VWA8: variants seen among roughly 807,000 people sequenced by gnomAD.
VWA8 encodes von Willebrand factor A domain-containing protein 8.
Under a neutral mutation model 241.5 loss-of-function variants are expected in VWA8, and 221 were observed. That is an observed-to-expected ratio of 0.91 (90% CI 0.82 to 1.02). VWA8 has a LOEUF of 1.02. Ranked by LOEUF, VWA8 falls within the 50% of genes least tolerant of loss-of-function variation. The pLI, the probability that VWA8 is intolerant of heterozygous loss-of-function variation, is 0.00. For missense variants in VWA8, 2,322 were observed against 2,328.7 expected, an observed-to-expected ratio of 1.00 and a Z score of 0.06; for synonymous variants, 852 against 827.1, an observed-to-expected ratio of 1.03 and a Z score of -0.52.
chr13:41,698,594 G>A (rs1041283094), intron 29 of VWA8, among the ~76,000 whole-genome samples: 2 of 151,966 alleles, frequency 1.3e-5, no homozygotes, highest in African/African-American at 2.4e-5. Context: ...AACGTCATTC[G>A]GGTCTCAGAT....
In VWA8 at chr13:41,567,003, T is replaced by C. The variant is rs990923845; in HGVS notation, c.*1194A>G. On this transcript the variant is annotated 3_prime_UTR_variant, in exon 45 of 45. Coordinates refer to ENST00000379310, the MANE Select transcript of VWA8 (RefSeq NM_015058.2). ...ATGGATAGGATAATATTATTAATAA[T>C]AGTTTTTCCAACTTAAGACCAGTTT... 1.3e-5 allele frequency: 2 copies of C among 152,208 alleles called. No homozygotes were observed. The highest frequency in any genetic ancestry group is 4.8e-5 in the African/African-American group (2 of 41,462). 9.4% of individuals were successfully genotyped at this position (152,208 alleles called of 1,614,324 possible).
chr13:41,619,811 G>T (rs1407549093), intron 37 of VWA8, among the ~76,000 whole-genome samples: 1 of 152,058 alleles, frequency 6.6e-6, no homozygotes, highest in Non-Finnish European at 1.5e-5. Context: ...TGCATCCCAG[G>T]GATGAAGCCA....
At chr13:41,933,366 T>C (rs1024086402) in intron 2 of VWA8, among the ~76,000 whole-genome samples, 7 of 152,002 alleles carry the variant, frequency 4.6e-5, no homozygotes, top group Admixed American at 2.6e-4. Context: ...TTCAATAATA[T>C]TAAGATAGCA....
At chr13:41,891,316 C>A in intron 5 of VWA8, 104 bp downstream of exon 5, 2 of 1,375,178 alleles carry the variant, frequency 1.5e-6, no homozygotes, top group Non-Finnish European at 2.0e-6. Flanking sequence ...TAAGGGCCAT[C>A]TGAACATCTG....
chr13:41,929,961 GA>G (rs1214869519), intron 2 of VWA8, among the ~76,000 whole-genome samples: 1 of 151,916 alleles, frequency 6.6e-6, no homozygotes, highest in African/African-American at 2.4e-5. Context: ...TATCAATTAG[GA>G]AAAAAACATT....
In VWA8 at chr13:41,701,518, T is replaced by A. The variant is rs745396588; in HGVS notation, c.3238A>T (p.Ile1080Leu). 1 of 1,607,462 alleles carries A rather than the reference T, an allele frequency of 6.2e-7. No homozygotes were observed. The highest frequency in any genetic ancestry group is 8.5e-7 in the Non-Finnish European group (1 of 1,177,436). The change falls in exon 28 of 45, where the codon ATA becomes TTA. Residue 1080 changes from isoleucine (I) to leucine (L), a missense_variant. Physicochemically the swap from Ile to Leu is conservative, Grantham distance 5. Transcript: ENST00000379310. ...TCTATTGGATACTCCTGTATATTTATAAGTGCTGGACCCTATAATAAAGCA... is the reference window on the plus strand; with the variant it reads ...TCTATTGGATACTCCTGTATATTTAAAAGTGCTGGACCCTATAATAAAGCA... ...HHIDIKGPAL[I>L]NIQEYPIERH... is the part of the protein sequence containing the mutation.
At chr13:41,613,170 A>C (rs2044600654) in intron 38 of VWA8, among the ~76,000 whole-genome samples, 1 of 152,184 alleles carries the variant, frequency 6.6e-6, no homozygotes, top group Non-Finnish European at 1.5e-5. Context: ...ACAAAACTAA[A>C]ACCAAGAACT....
At chr13:41,817,462 A>C (rs1166006850) in intron 15 of VWA8, among the ~76,000 whole-genome samples, 1 of 152,252 alleles carries the variant, frequency 6.6e-6, no homozygotes, top group Non-Finnish European at 1.5e-5. Context: ...GATCAAAAAA[A>C]GATACTAAAA....
chr13:41,683,288 A>G (rs1224954372), intron 35 of VWA8, among the ~76,000 whole-genome samples: 2 of 152,184 alleles, frequency 1.3e-5, no homozygotes, highest in African/African-American at 2.4e-5. Flanking sequence ...CACACATAAC[A>G]TAAAAAATAA....
At chr13:41,860,051 T>C (rs1343474030) in intron 12 of VWA8, among the ~76,000 whole-genome samples, 1 of 152,200 alleles carries the variant, frequency 6.6e-6, no homozygotes, top group Non-Finnish European at 1.5e-5. Flanking sequence ...AGAGGAGTCT[T>C]ATATTTGATC....
At chr13:41,626,490 T>C (rs1392377425) in intron 37 of VWA8, among the ~76,000 whole-genome samples, 1 of 151,994 alleles carries the variant, frequency 6.6e-6, no homozygotes, top group Non-Finnish European at 1.5e-5. Context: ...AACAAACCCA[T>C]AGGCATCACA....
chr13:41,842,143 T>C (rs1276134216), intron 12 of VWA8, among the ~76,000 whole-genome samples: 2 of 152,082 alleles, frequency 1.3e-5, no homozygotes, highest in African/African-American at 4.8e-5. Flanking sequence ...AGCAGAATGC[T>C]ACATAAATAT....
At chr13:41,678,281 A>G (rs988962812) in intron 35 of VWA8, among the ~76,000 whole-genome samples, 5 of 152,226 alleles carry the variant, frequency 3.3e-5, no homozygotes, top group African/African-American at 1.2e-4. Context: ...GAGTTACTAT[A>G]GTAATTTGAC....
chr13:41,940,731 T>C (rs1168653776), intron 2 of VWA8, among the ~76,000 whole-genome samples: 1 of 152,322 alleles, frequency 6.6e-6, no homozygotes, highest in East Asian at 1.9e-4. Context: ...TTCAAGTTCA[T>C]CAACTCCTTA....
chr13:41,656,626 G>A (rs757849014), intron 37 of VWA8, among the ~76,000 whole-genome samples: 1 of 151,986 alleles, frequency 6.6e-6, no homozygotes, highest in Non-Finnish European at 1.5e-5. Context: ...TTCATCCAAG[G>A]AATTAAATGG....
intron 26 of VWA8, among the ~76,000 whole-genome samples, chr13:41,707,845 G>A (rs977605749): frequency 8.6e-5 from 13 of 151,962 alleles, no homozygotes; most frequent in Non-Finnish European, 7.4e-5. Flanking sequence ...CAATTCAAAT[G>A]TCACTCCCCC....
At chr13:41,737,324 G>C (rs1433641058) in intron 21 of VWA8, among the ~76,000 whole-genome samples, 1 of 152,160 alleles carries the variant, frequency 6.6e-6, no homozygotes, top group Non-Finnish European at 1.5e-5. Flanking sequence ...ATGAAATAAA[G>C]ATAAAGAGGA....
chr13:41,838,286 T>C (rs1871835212), intron 12 of VWA8, among the ~76,000 whole-genome samples: 1 of 152,144 alleles, frequency 6.6e-6, no homozygotes, highest in South Asian at 2.1e-4. Context: ...GTGTACAGTA[T>C]CTAGAATATC....
chr13:41,939,023 C>G (rs1425112162), intron 2 of VWA8, among the ~76,000 whole-genome samples: 2 of 152,150 alleles, frequency 1.3e-5, no homozygotes, highest in East Asian at 3.8e-4. Flanking sequence ...TATGTCAAAA[C>G]TCACCATTTA....
Sources: allele counts gnomAD v4.1 joint callset (sites outside exome capture counted in the v4.1 genomes callset), GRCh38; gene constraint gnomAD v4.1.1; transcripts MANE v1.5; gene names NCBI Gene and HGNC (gene_info 2026-07-23, HGNC 2026-07-21).